The following CNOT7 variants were observed in gnomAD, a reference collection of about 807,000 sequenced individuals.
CNOT7 encodes BTG1-binding factor 1.
In CNOT7, 4 loss-of-function variants were observed where a neutral mutation model predicts 37.1. The observed-to-expected ratio is 0.11, with a 90% CI of 0.05 to 0.25. The LOEUF (loss-of-function observed/expected upper bound fraction) is 0.25, where lower values mean the gene tolerates loss of function less well. Ranked by LOEUF, CNOT7 falls within the 10% of genes least tolerant of loss-of-function variation. The pLI, the probability that CNOT7 is intolerant of heterozygous loss-of-function variation, is 1.00. For missense variants in CNOT7, 170 were observed against 336.2 expected (o/e 0.51, Z 3.87); for synonymous variants, 128 against 115.6 (o/e 1.11, Z -0.69).
chr8:17,234,895 A>G, intron 4 of CNOT7, 35 bp from the exon 5 acceptor site: 2 of 1,583,388 alleles, frequency 1.3e-6, no homozygotes, highest in South Asian at 1.1e-5. Context: ...GAAGAGGGAC[A>G]TATAAATACT....
In CNOT7 at chr8:17,245,107, A is replaced by T; in HGVS notation, c.46T>A (p.Trp16Arg). 2 of 1,613,758 alleles carry T rather than the reference A, an allele frequency of 1.2e-6. No individual in the cohort carries two copies. Among genetic ancestry groups the T allele is most frequent in the Non-Finnish European group, 1.7e-6 (2 of 1,179,848 alleles). Residue 16 changes from tryptophan (W) to arginine (R), a missense_variant, in exon 2 of 7, where the codon TGG (tryptophan) becomes AGG (arginine). Around this residue, in one of 6 missense-constraint regions of CNOT7, gnomAD observed 38 missense variants for 36.9 expected, o/e 1.03. Transcript: ENST00000361272. Reference sequence around the variant, plus strand: ...ATCTCTTCATCCAAGTTGCAAGCCCAAACTTCACAAATTCTTTGGCTATGA... The same window carrying T: ...ATCTCTTCATCCAAGTTGCAAGCCCTAACTTCACAAATTCTTTGGCTATGA... ...VDHSQRICEV[W>R]ACNLDEEMKK...
At chr8:17,240,653 G>C (rs1202401538) in intron 3 of CNOT7, among the ~76,000 whole-genome samples, 5 of 152,146 alleles carry the variant, frequency 3.3e-5, no homozygotes, top group African/African-American at 7.2e-5. Context: ...CACGTACTGA[G>C]ATCACAATAG....
intron 2 of CNOT7, 169 bp from the exon 3 acceptor site, chr8:17,243,354 A>T (rs1333702058): frequency 1.6e-6 from 1 of 638,378 alleles, no homozygotes; most frequent in African/African-American, 1.8e-5. Context: ...TAGAACCATA[A>T]AACTCTATAA....
At chr8:17,234,470 A>C (rs1347792069) in intron 5 of CNOT7, 1 of 441,142 alleles carries the variant, frequency 2.3e-6, no homozygotes, top group Non-Finnish European at 4.2e-6. Context: ...AGCAGTGACA[A>C]GAACCGGACC....
At position 17,226,028 on chromosome 8, in the gene CNOT7, CCTT is replaced by C. The variant is rs1808130478; in HGVS notation, c.*4689_*4691del. On this transcript the variant is annotated 3_prime_UTR_variant, in exon 7 of 7. Coordinates refer to ENST00000361272, the MANE Select transcript of CNOT7 (RefSeq NM_013354.7). ...TTCTTCTAGTAGAGAGGTGGACAAGCCTTTTTTTTTTTTTTTTTTTTTTTTTTG... is the reference window on the plus strand; with the variant it reads ...TTCTTCTAGTAGAGAGGTGGACAAGCTTTTTTTTTTTTTTTTTTTTTTTTG... 3.4e-5 allele frequency: 1 copy of C among 29,318 alleles called. No individual in the cohort carries two copies. Among genetic ancestry groups the C allele is most frequent in the Admixed American group, 3.7e-4 (1 of 2,708 alleles). The allele number at this position is 29,318 out of a possible 1,614,324, so 1.8% of individuals were successfully genotyped here.
At position 17,226,823 on chromosome 8, in the gene CNOT7, G is replaced by A. The variant is rs936450823; in HGVS notation, c.*3897C>T. ...CAAATTCATTAAGAAACATTTTCAA[G>A]TCTGTGGCAAAAGTTAATTTCCAAA... On this transcript the variant is annotated 3_prime_UTR_variant, in exon 7 of 7. Transcript: ENST00000361272. The A allele has an allele frequency of 4.0e-5, 6 of 151,654 alleles. No individual in the cohort carries two copies. Among genetic ancestry groups the A allele is most frequent in the South Asian group, 2.1e-4 (1 of 4,824 alleles). The allele number at this position is 151,654 out of a possible 1,614,324, so 9.4% of individuals were successfully genotyped here. A position where few individuals can be genotyped will look rare whatever the true frequency, so the allele number is the denominator to read the frequency against.
At position 17,229,191 on chromosome 8, in the gene CNOT7, A is replaced by G. The variant is rs988331010; in HGVS notation, c.*1529T>C. The G allele has an allele frequency of 6.6e-6, 1 of 152,026 alleles. No homozygotes were observed. Among genetic ancestry groups the G allele is most frequent in the Non-Finnish European group, 1.5e-5 (1 of 67,868 alleles). The allele number at this position is 152,026 out of a possible 1,614,324, so 9.4% of individuals were successfully genotyped here. ...AATAAAAATGAACAATATCCCCCAA[A>G]TAAGTATTTCCAAAAGAAAATCACC... is the stretch of plus-strand genomic sequence containing the variant. On this transcript the variant is annotated 3_prime_UTR_variant, in exon 7 of 7. Transcript: ENST00000361272.
At chr8:17,235,504 A>T (rs976045818) in intron 4 of CNOT7, among the ~76,000 whole-genome samples, 3 of 152,176 alleles carry the variant, frequency 2.0e-5, no homozygotes, top group African/African-American at 7.2e-5. Context: ...AGTGAAGGGT[A>T]GTAAAAAAAT....
chr8:17,238,323 C>T (rs1809658354), intron 3 of CNOT7, among the ~76,000 whole-genome samples: 1 of 151,782 alleles, frequency 6.6e-6, no homozygotes, highest in Non-Finnish European at 1.5e-5. Flanking sequence ...GGGTTCACTT[C>T]ACTTGGGCCA....
rs571188733 is a variant in CNOT7, at chr8:17,228,055, G to A, written c.*2665C>T. 1.3e-5 allele frequency: 2 copies of A among 151,988 alleles called. No individual in the cohort carries two copies. The highest frequency in any genetic ancestry group is 4.8e-5 in the African/African-American group (2 of 41,532). The allele number at this position is 151,988 out of a possible 1,614,324, so 9.4% of individuals were successfully genotyped here. A position where few individuals can be genotyped will look rare whatever the true frequency, so the allele number is the denominator to read the frequency against. On this transcript the variant is annotated 3_prime_UTR_variant, in exon 7 of 7. Coordinates refer to ENST00000361272, the MANE Select transcript of CNOT7 (RefSeq NM_013354.7). ...AGATAATATGTAAATTAGTGTGGCT[G>A]CATTCCAATAAAAACTTATAGACAC...
At chr8:17,232,116 T>G in intron 6 of CNOT7, 1 of 1,041,194 alleles carries the variant, frequency 9.6e-7, no homozygotes, top group Non-Finnish European at 1.2e-6. Flanking sequence ...TAGTAATGTG[T>G]TTAATCATGG....
At chr8:17,237,394 A>G (rs896366895) in intron 3 of CNOT7, 21 bp from the exon 4 acceptor site, 2 of 1,611,614 alleles carry the variant, frequency 1.2e-6, no homozygotes, top group East Asian at 2.2e-5. Context: ...AAAGAGAAAG[A>G]CAACATTCAA....
At chr8:17,230,969 T>C in intron 6 of CNOT7, 121 bp from the exon 7 acceptor site, 3 of 675,278 alleles carry the variant, frequency 4.4e-6, no homozygotes, top group Non-Finnish European at 7.3e-6. Flanking sequence ...CTCTTTTCTA[T>C]GGTGTTCCTT....
intron 3 of CNOT7, among the ~76,000 whole-genome samples, chr8:17,239,947 G>A (rs1006854733): frequency 6.6e-6 from 1 of 152,118 alleles, no homozygotes; most frequent in African/African-American, 2.4e-5. Context: ...ATTCCCATAC[G>A]TTACAATTGT....
intron 3 of CNOT7, chr8:17,241,492 C>G (rs1312767792): frequency 1.3e-5 from 2 of 152,068 alleles, no homozygotes; most frequent in Non-Finnish European, 2.9e-5. Flanking sequence ...GCCCTACTTT[C>G]GTAAAATTGT....
rs185037720 is a variant in CNOT7, at chr8:17,225,343, A to G, written c.*5377T>C. 1.3e-5 allele frequency: 2 copies of G among 151,830 alleles called. No individual in the cohort carries two copies. The highest frequency in any genetic ancestry group is 6.6e-5 in the Admixed American group (1 of 15,236). 9.4% of individuals were successfully genotyped at this position (151,830 alleles called of 1,614,324 possible). On this transcript the variant is annotated 3_prime_UTR_variant, in exon 7 of 7. Transcript: ENST00000361272. ...TAAAGCAAGAGGGCAGATTATATTC[A>G]TGAATGCTTCTCATATACAAAAAAT...
At chr8:17,232,913 T>G (rs373253780) in intron 5 of CNOT7, among the ~76,000 whole-genome samples, 1 of 152,160 alleles carries the variant, frequency 6.6e-6, no homozygotes, top group South Asian at 2.1e-4. Flanking sequence ...TATAACACCA[T>G]TTTTTTCATA....
At position 17,227,654 on chromosome 8, in the gene CNOT7, T is replaced by C. The variant is rs1248156731; in HGVS notation, c.*3066A>G. 6.6e-6 allele frequency: 1 copy of C among 151,868 alleles called. No homozygotes were observed. Among genetic ancestry groups the C allele is most frequent in the Non-Finnish European group, 1.5e-5 (1 of 67,820 alleles). The allele number at this position is 151,868 out of a possible 1,614,324, so 9.4% of individuals were successfully genotyped here. A position where few individuals can be genotyped will look rare whatever the true frequency, so the allele number is the denominator to read the frequency against. Reference sequence around the variant, plus strand: ...TGATGTTTCATTTAAATTTTCTAATTCTTCTGACTGTTGCTTTCCCACCAG... The same window carrying C: ...TGATGTTTCATTTAAATTTTCTAATCCTTCTGACTGTTGCTTTCCCACCAG... On this transcript the variant is annotated 3_prime_UTR_variant, in exon 7 of 7. Transcript: ENST00000361272.
In CNOT7 at chr8:17,226,047, T is replaced by TTTTTG. The variant is rs1808135133; in HGVS notation, c.*4672_*4673insCAAAA. On this transcript the variant is annotated 3_prime_UTR_variant, in exon 7 of 7. Coordinates refer to ENST00000361272, the MANE Select transcript of CNOT7 (RefSeq NM_013354.7). Reference sequence around the variant, plus strand: ...GACAAGCCTTTTTTTTTTTTTTTTTTTTTTTTTTGAAAAGGGCAGGTAGCA... The same window carrying TTTTTG: ...GACAAGCCTTTTTTTTTTTTTTTTTTTTTTGTTTTTTTTGAAAAGGGCAGGTAGCA... 6.9e-6 allele frequency: 1 copy of TTTTTG among 144,482 alleles called. No homozygotes were observed. The highest frequency in any genetic ancestry group is 1.5e-5 in the Non-Finnish European group (1 of 65,412). 9.0% of individuals were successfully genotyped at this position (144,482 alleles called of 1,614,324 possible).
Sources: gnomAD v4.1 joint callset for allele counts (sites outside exome capture counted in the v4.1 genomes callset) on GRCh38, gnomAD v4.1.1 for gene constraint, gnomAD v4.1.1 regional missense constraint, MANE v1.5 for transcripts, NCBI Gene and HGNC (gene_info 2026-07-23, HGNC 2026-07-21) for gene names.